Variants in TCERG1L observed in about 807,000 individuals in gnomAD.
TCERG1L encodes transcription elongation regulator 1 like.
TCERG1L carries 37 observed loss-of-function variants against 56.3 expected under a neutral mutation model. That is an observed-to-expected ratio of 0.66 (90% CI 0.51 to 0.87). The LOEUF is 0.87. Among genes scored for constraint, TCERG1L ranks in the 40% least tolerant of loss-of-function variants. The pLI is 0.00. For missense variants in TCERG1L, 799 were observed against 774.2 expected (o/e 1.03, Z -0.38); for synonymous variants, 324 against 326.3 (o/e 0.99, Z 0.08).
rs1280560359 is a variant in TCERG1L at position 131,267,630 on chromosome 10, G to A, written c.671-7186C>T. Among the ~76,000 whole-genome samples the A allele has an allele frequency of 6.6e-6, 1 of 152,224 alleles. No individual in the cohort carries two copies. The highest frequency in any genetic ancestry group is 6.5e-5 in the Admixed American group (1 of 15,286). ...GAGTCCTGGCTGCAACTTTGGCCGG[G>A]TGCTTATGGGCTCCCAGGACATGGC... On this transcript the variant is annotated intron_variant, in intron 3 of 11. Transcript: ENST00000368642. The surrounding 1 kb of genome is among the most constrained non-coding windows in gnomAD (Gnocchi z 4.9).
chr10:131,194,322 C>T (rs1845334535), intron 4 of TCERG1L, among the ~76,000 whole-genome samples: 1 of 152,234 alleles, frequency 6.6e-6, no homozygotes, highest in Admixed American at 6.5e-5. Context: ...GATATCCCCA[C>T]CATTGCCTTC....
At chr10:131,245,686 G>A (rs992614359) in intron 4 of TCERG1L, among the ~76,000 whole-genome samples, 7 of 152,212 alleles carry the variant, frequency 4.6e-5, no homozygotes, top group African/African-American at 9.6e-5. Context: ...GGACCTTCCC[G>A]AGGGGCTCCT....
At chr10:131,112,133 C>G (rs1257489304) in intron 9 of TCERG1L, among the ~76,000 whole-genome samples, 2 of 143,186 alleles carry the variant, frequency 1.4e-5, no homozygotes, top group Admixed American at 1.4e-4. Context: ...CCACACGGCA[C>G]TCCCAGTGGC....
At chr10:131,141,375 T>C (rs534602631) in intron 7 of TCERG1L, among the ~76,000 whole-genome samples, 1 of 151,962 alleles carries the variant, frequency 6.6e-6, no homozygotes, top group Non-Finnish European at 1.5e-5. Flanking sequence ...TGGGGTCCAG[T>C]GTGAGTGACC....
At chr10:131,297,316 T>C (rs1392113990) in intron 3 of TCERG1L, among the ~76,000 whole-genome samples, 2 of 152,220 alleles carry the variant, frequency 1.3e-5, no homozygotes, top group Non-Finnish European at 2.9e-5. Flanking sequence ...ATGCATTTTC[T>C]GAATCTATTG....
At chr10:131,246,847 G>A (rs548943206) in intron 4 of TCERG1L, among the ~76,000 whole-genome samples, 1 of 152,342 alleles carries the variant, frequency 6.6e-6, no homozygotes, top group Admixed American at 6.5e-5. Context: ...TAGAGGTGGG[G>A]GCCGCACACT....
At chr10:131,132,091 G>A (rs535672857) in intron 8 of TCERG1L, among the ~76,000 whole-genome samples, 6 of 152,176 alleles carry the variant, frequency 3.9e-5, no homozygotes, top group Admixed American at 1.3e-4. Flanking sequence ...TTGGTGCTTC[G>A]GAAGAGCTTT....
chr10:131,258,442 C>T (rs1403221750), intron 4 of TCERG1L, among the ~76,000 whole-genome samples: 2 of 152,188 alleles, frequency 1.3e-5, no homozygotes, highest in Non-Finnish European at 2.9e-5. Context: ...CCAATGGAGC[C>T]CTCACCAGGG....
chr10:131,278,328 T>C (rs963037577), intron 3 of TCERG1L, among the ~76,000 whole-genome samples: 1 of 150,776 alleles, frequency 6.6e-6, no homozygotes, highest in Non-Finnish European at 1.5e-5. Flanking sequence ...TACATCGTCT[T>C]TTCTTTTTTC....
At chr10:131,247,183 C>T (rs567920366) in intron 4 of TCERG1L, among the ~76,000 whole-genome samples, 2 of 152,330 alleles carry the variant, frequency 1.3e-5, no homozygotes, top group African/African-American at 4.8e-5. Flanking sequence ...CAGCGACGGA[C>T]ACATTTTCAC....
intron 4 of TCERG1L, among the ~76,000 whole-genome samples, chr10:131,229,895 AG>A (rs1170909654): frequency 6.6e-6 from 1 of 152,238 alleles, no homozygotes; most frequent in East Asian, 1.9e-4. Flanking sequence ...TTCTGAACGA[AG>A]CGCTGAGGAG....
chr10:131,205,297 T>C (rs918353062), intron 4 of TCERG1L, among the ~76,000 whole-genome samples: 1 of 151,850 alleles, frequency 6.6e-6, no homozygotes, highest in Non-Finnish European at 1.5e-5. Context: ...CCCAACTCTC[T>C]GCTGTGTCAC....
chr10:131,231,921 G>T (rs900186925), intron 4 of TCERG1L, among the ~76,000 whole-genome samples: 4 of 152,150 alleles, frequency 2.6e-5, no homozygotes, highest in Non-Finnish European at 5.9e-5. Flanking sequence ...GCTGAGCGGG[G>T]GCTGATGCAG....
intron 7 of TCERG1L, among the ~76,000 whole-genome samples, chr10:131,139,239 A>G (rs1213209676): frequency 6.6e-6 from 1 of 152,248 alleles, no homozygotes; most frequent in Non-Finnish European, 1.5e-5. Flanking sequence ...CAATTCTAAT[A>G]ATGTGAAATT....
intron 4 of TCERG1L, among the ~76,000 whole-genome samples, chr10:131,233,116 CCA>C: frequency 3.9e-5 from 6 of 152,282 alleles, no homozygotes; most frequent in African/African-American, 1.4e-4. Context: ...GACACAATTC[CCA>C]AAGTGTTTTC....
intron 4 of TCERG1L, among the ~76,000 whole-genome samples, chr10:131,223,568 AAAAAT>A (rs1273082831): frequency 4.0e-5 from 6 of 150,552 alleles, no homozygotes; most frequent in South Asian, 2.1e-4. Context: ...CAACAGCTAC[AAAAAT>A]AAAACAAAGC....
rs952815305 is a variant in TCERG1L, at chr10:131,118,356, G to A, written c.1260-1422C>T. On this transcript the variant is annotated intron_variant, in intron 8 of 11. Coordinates refer to ENST00000368642, the MANE Select transcript of TCERG1L (RefSeq NM_174937.4). The surrounding 1 kb of genome is among the most constrained non-coding windows in gnomAD (Gnocchi z 4.2). The stretch of plus-strand genomic sequence containing the variant: ...ATCTGGATTGTGAGTTTCTCGAACC[G>A]TAGTCTGGGCTTTCTGATTTGGTCT... Among the ~76,000 whole-genome samples the A allele has an allele frequency of 4.6e-5, 7 of 152,150 alleles. No homozygotes were observed. Among genetic ancestry groups the A allele is most frequent in the Non-Finnish European group, 8.8e-5 (6 of 68,040 alleles).
intron 4 of TCERG1L, among the ~76,000 whole-genome samples, chr10:131,208,240 G>A (rs904659680): frequency 6.6e-6 from 1 of 152,214 alleles, no homozygotes; most frequent in African/African-American, 2.4e-5. Context: ...CCTCCATGAC[G>A]GATGCCCAGG....
At chr10:131,244,874 G>A (rs1846014731) in intron 4 of TCERG1L, among the ~76,000 whole-genome samples, 1 of 152,196 alleles carries the variant, frequency 6.6e-6, no homozygotes, top group Admixed American at 6.5e-5. Context: ...CCCCCTAGAT[G>A]GGCAGGGAAC....
Sources: gnomAD v4.1 joint callset for allele counts (sites outside exome capture counted in the v4.1 genomes callset) on GRCh38, gnomAD v4.1.1 for gene constraint, Gnocchi (gnomAD v3.1) non-coding constraint, MANE v1.5 for transcripts, NCBI Gene and HGNC (gene_info 2026-07-23, HGNC 2026-07-21) for gene names.